Variants in RSRC1 observed in about 807,000 individuals in gnomAD.
RSRC1 encodes the protein arginine and serine rich coiled-coil 1.
Under a neutral mutation model 49.1 loss-of-function variants are expected in RSRC1, and 39 were observed. The ratio of observed to expected loss-of-function variants is 0.79; its 90% CI spans 0.61 to 1.04. The LOEUF is 1.04. RSRC1 is among the 50% of genes least tolerant of loss of function. The probability of loss-of-function intolerance (pLI) is 0.00; values close to 1 mark genes in which losing one functional copy is unlikely to be tolerated. For missense variants in RSRC1, 388 were observed against 402.4 expected (o/e 0.96, Z 0.31); for synonymous variants, 143 against 130.8 (o/e 1.09, Z -0.63).
intron 4 of RSRC1, among the ~76,000 whole-genome samples, chr3:158,295,100 C>T (rs1727161392): frequency 1.3e-5 from 2 of 152,030 alleles, no homozygotes; most frequent in Admixed American, 1.3e-4. Context: ...ATGGGACATG[C>T]CCCGAGTGTT....
chr3:158,346,147 T>A (rs1730543389), intron 5 of RSRC1, among the ~76,000 whole-genome samples: 1 of 152,228 alleles, frequency 6.6e-6, no homozygotes, highest in African/African-American at 2.4e-5. Context: ...AAAAGCCTGA[T>A]TCCTAAAAGA....
chr3:158,307,377 C>T (rs577504538), intron 5 of RSRC1, among the ~76,000 whole-genome samples: 233 of 151,822 alleles, frequency 1.5e-3, no homozygotes, highest in Non-Finnish European at 2.0e-3. Flanking sequence ...GAAAAATCTT[C>T]GAATGCTTAG....
chr3:158,276,219 T>C (rs771127943), intron 4 of RSRC1: 3 of 781,748 alleles, frequency 3.8e-6, no homozygotes, highest in African/African-American at 3.4e-5. Flanking sequence ...TCGGCCACCA[T>C]GGCGAATACG....
intron 5 of RSRC1, among the ~76,000 whole-genome samples, chr3:158,311,747 AATAG>A (rs1728142300): frequency 6.6e-6 from 1 of 152,124 alleles, no homozygotes; most frequent in Non-Finnish European, 1.5e-5. Flanking sequence ...TATATAAGGT[AATAG>A]ATATGTTAAT....
At chr3:158,448,634 A>G (rs568031371) in intron 6 of RSRC1, among the ~76,000 whole-genome samples, 8 of 152,010 alleles carry the variant, frequency 5.3e-5, no homozygotes, top group Non-Finnish European at 8.8e-5. Context: ...GAAGAACATT[A>G]GGATATACTG....
intron 5 of RSRC1, among the ~76,000 whole-genome samples, chr3:158,322,230 G>C (rs1393110826): frequency 6.6e-6 from 1 of 152,118 alleles, no homozygotes; most frequent in Non-Finnish European, 1.5e-5. Flanking sequence ...ATTGTTGCTT[G>C]AAGGATATTC....
At chr3:158,518,104 G>A (rs865956197) in intron 7 of RSRC1, among the ~76,000 whole-genome samples, 16,250 of 76,190 alleles carry the variant, frequency 0.21, 1,522 homozygotes, top group South Asian at 0.33. Flanking sequence ...GCGTGTGTGT[G>A]TGTGTGTGTG....
At chr3:158,514,695 C>G (rs563935790) in intron 7 of RSRC1, among the ~76,000 whole-genome samples, 1 of 152,100 alleles carries the variant, frequency 6.6e-6, no homozygotes, top group South Asian at 2.1e-4. Context: ...TCTCGTTGAT[C>G]TGTCTAATGT....
chr3:158,194,257 G>A (rs534829571), intron 3 of RSRC1, among the ~76,000 whole-genome samples: 8 of 151,258 alleles, frequency 5.3e-5, no homozygotes, highest in Non-Finnish European at 1.2e-4. Flanking sequence ...CTGGCTGACA[G>A]AGTTAGACCC....
Position 158,187,440 on chromosome 3 carries a change from A to G in RSRC1, c.321-15632A>G, listed in dbSNP as rs560032352. ...TTTGATTTTTATTTACTAGCTTTGC[A>G]TTCTCATAGCTCAATAGTAAAACTT... On this transcript the variant is annotated intron_variant, in intron 3 of 9. Transcript: ENST00000611884. 4.2e-4 allele frequency among the ~76,000 whole-genome samples: 64 copies of G among 152,162 alleles called. 2 individuals are homozygous for G. In the South Asian group the frequency reaches 5.2e-3, roughly 12 times the overall value.
intron 8 of RSRC1, among the ~76,000 whole-genome samples, chr3:158,541,218 G>A (rs2108508864): frequency 6.6e-6 from 1 of 152,126 alleles, no homozygotes; most frequent in South Asian, 2.1e-4. Context: ...TCACCTGCCT[G>A]GCTCCTTCTA....
At position 158,241,494 on chromosome 3, in the gene RSRC1, A is replaced by G. The variant is rs1477602690; in HGVS notation, c.494+38249A>G. On this transcript the variant is annotated intron_variant, in intron 4 of 9. Transcript: ENST00000611884. The stretch of plus-strand genomic sequence containing the variant: ...TATATTATAAAAATATTTTTTTTAA[A>G]AAAGTGTCCATAGTGCCTTATTGAG... Among the ~76,000 whole-genome samples, 6 of 151,758 alleles carry G rather than the reference A, an allele frequency of 4.0e-5. No homozygotes were observed. The East Asian group carries it at 1.2e-3, about 29-fold the overall frequency.
At chr3:158,247,306 C>T (rs922100622) in intron 4 of RSRC1, among the ~76,000 whole-genome samples, 1 of 152,186 alleles carries the variant, frequency 6.6e-6, no homozygotes, top group Admixed American at 6.5e-5. Flanking sequence ...GCGTTCATTA[C>T]AACATGCTCC....
intron 6 of RSRC1, among the ~76,000 whole-genome samples, chr3:158,399,185 C>T (rs1214751244): frequency 1.9e-4 from 3 of 15,506 alleles, no homozygotes; most frequent in Non-Finnish European, 3.4e-4. Context: ...GACGGAGTCT[C>T]GCTCTGTCGC....
chr3:158,352,715 A>G (rs1456046448), intron 5 of RSRC1, among the ~76,000 whole-genome samples: 1 of 152,122 alleles, frequency 6.6e-6, no homozygotes. Context: ...AAAAAGTAAC[A>G]AATTTCGTAA....
At chr3:158,349,489 TCCC>T (rs1442147805) in intron 5 of RSRC1, among the ~76,000 whole-genome samples, 2 of 152,092 alleles carry the variant, frequency 1.3e-5, no homozygotes, top group East Asian at 3.8e-4. Context: ...CCGCCTTTGC[TCCC>T]ACCAAATAAT....
chr3:158,299,446 G>A (rs1429307694), intron 5 of RSRC1, among the ~76,000 whole-genome samples: 1 of 151,862 alleles, frequency 6.6e-6, no homozygotes. Flanking sequence ...TGATTCTTCT[G>A]CCTCAGCCTC....
intron 6 of RSRC1, among the ~76,000 whole-genome samples, chr3:158,392,520 C>A (rs1733373264): frequency 6.6e-6 from 1 of 151,940 alleles, no homozygotes; most frequent in East Asian, 1.9e-4. Flanking sequence ...AAGACTGACA[C>A]AGAATGCCAA....
At chr3:158,375,125 T>C (rs778441829) in intron 6 of RSRC1, among the ~76,000 whole-genome samples, 21 of 151,420 alleles carry the variant, frequency 1.4e-4, no homozygotes, top group Non-Finnish European at 2.8e-4. Flanking sequence ...AAACTGTTAA[T>C]CAAAGACCTT....
Sources: gnomAD v4.1 joint callset for allele counts (sites outside exome capture counted in the v4.1 genomes callset) on GRCh38, gnomAD v4.1.1 for gene constraint, MANE v1.5 for transcripts, NCBI Gene and HGNC (gene_info 2026-07-23, HGNC 2026-07-21) for gene names.